CIMIP6: variants seen among roughly 807,000 people sequenced by gnomAD.
The protein encoded by CIMIP6 is ciliary microtubule inner protein 6.
At chr2:54,370,979 G>C in the CIMIP6 span, among the ~76,000 whole-genome samples, 3 of 152,200 alleles carry the variant, frequency 2.0e-5, no homozygotes, top group Non-Finnish European at 4.4e-5. Flanking sequence ...CTTGTTTTCT[G>C]AAGTGTGTTA....
the CIMIP6 span, among the ~76,000 whole-genome samples, chr2:54,335,938 T>G: frequency 0.14 from 20,919 of 152,110 alleles, 1,648 homozygotes; most frequent in African/African-American, 0.21. Flanking sequence ...CTCTCCTGAC[T>G]CTCTCTTATA....
At chr2:54,380,515 A>G in the CIMIP6 span, among the ~76,000 whole-genome samples, 1 of 152,090 alleles carries the variant, frequency 6.6e-6, no homozygotes, top group South Asian at 2.1e-4. Flanking sequence ...ATAACTTTCT[A>G]TATTGACCCA....
chr2:54,350,452 A>C, the CIMIP6 span, among the ~76,000 whole-genome samples: 1 of 152,172 alleles, frequency 6.6e-6, no homozygotes, highest in Admixed American at 6.5e-5. Context: ...TGCAGGAATG[A>C]CTGGGCCTCT....
At chr2:54,356,454 C>T in the CIMIP6 span, among the ~76,000 whole-genome samples, 1 of 152,200 alleles carries the variant, frequency 6.6e-6, no homozygotes, top group East Asian at 1.9e-4. Flanking sequence ...TTCTTGGCTA[C>T]ATCTGACCTT....
the CIMIP6 span, among the ~76,000 whole-genome samples, chr2:54,334,228 T>C: frequency 6.6e-6 from 1 of 152,188 alleles, no homozygotes; most frequent in Non-Finnish European, 1.5e-5. Flanking sequence ...AAATATTTTA[T>C]TTTAGTAATT....
At chr2:54,330,937 T>A in the CIMIP6 span, 4 of 1,609,444 alleles carry the variant, frequency 2.5e-6, no homozygotes, top group Non-Finnish European at 3.4e-6. Flanking sequence ...TCCCTGTTCT[T>A]CCCAGGAGGC....
At chr2:54,359,147 CATA>C in the CIMIP6 span, 1 of 861,978 alleles carries the variant, frequency 1.2e-6, no homozygotes, top group South Asian at 1.7e-5. Flanking sequence ...TTTTTCAAGT[CATA>C]ATTATCTTTC....
the CIMIP6 span, among the ~76,000 whole-genome samples, chr2:54,363,013 C>T: frequency 2.0e-5 from 3 of 152,166 alleles, no homozygotes; most frequent in African/African-American, 7.2e-5. Context: ...CCAATCTATA[C>T]ATGTTTCCTC....
At chr2:54,339,153 T>C in the CIMIP6 span, among the ~76,000 whole-genome samples, 2 of 73,284 alleles carry the variant, frequency 2.7e-5, 1 homozygote, top group East Asian at 4.8e-4. Flanking sequence ...AGACTCCATC[T>C]CAAGAAAAAA....
chr2:54,359,121 T>A, the CIMIP6 span: 3 of 1,084,566 alleles, frequency 2.8e-6, no homozygotes, highest in South Asian at 1.6e-5. Flanking sequence ...CAGAGTAGAT[T>A]TGTAGAACTT....
the CIMIP6 span, among the ~76,000 whole-genome samples, chr2:54,352,862 A>G: frequency 1.3e-5 from 2 of 152,146 alleles, no homozygotes; most frequent in Non-Finnish European, 2.9e-5. Flanking sequence ...TTTTTCCTGA[A>G]AAGTTTTAAT....
chr2:54,371,769 G>A, the CIMIP6 span, among the ~76,000 whole-genome samples: 1 of 152,246 alleles, frequency 6.6e-6, no homozygotes, highest in African/African-American at 2.4e-5. Flanking sequence ...GGTGGGCACA[G>A]GAGTGGTTCC....
chr2:54,384,160 T>G, the CIMIP6 span, among the ~76,000 whole-genome samples: 1 of 152,220 alleles, frequency 6.6e-6, no homozygotes, highest in Admixed American at 6.5e-5. Context: ...GTATCTCAAT[T>G]AATTCTCGCA....
chr2:54,380,728 T>C, the CIMIP6 span, among the ~76,000 whole-genome samples: 4 of 152,186 alleles, frequency 2.6e-5, no homozygotes, highest in Admixed American at 2.6e-4. Context: ...ACATACACAA[T>C]GTGTGCACGC....
chr2:54,380,057 C>T, the CIMIP6 span, among the ~76,000 whole-genome samples: 1 of 151,630 alleles, frequency 6.6e-6, no homozygotes, highest in Non-Finnish European at 1.5e-5. Context: ...GTGGGAGGAT[C>T]GCTTGAGCCT....
the CIMIP6 span, among the ~76,000 whole-genome samples, chr2:54,380,006 G>A: frequency 6.6e-6 from 1 of 151,714 alleles, no homozygotes; most frequent in South Asian, 2.1e-4. Flanking sequence ...AGCTTGGTGT[G>A]GTGTTGTGCA....
the CIMIP6 span, among the ~76,000 whole-genome samples, chr2:54,371,122 GATTA>G: frequency 2.6e-5 from 4 of 152,246 alleles, no homozygotes; most frequent in Non-Finnish European, 5.9e-5. Flanking sequence ...TGGGTTGATA[GATTA>G]ATTTTCTCAC....
At chr2:54,345,994 A>G in the CIMIP6 span, among the ~76,000 whole-genome samples, 1 of 152,192 alleles carries the variant, frequency 6.6e-6, no homozygotes, top group Non-Finnish European at 1.5e-5. Flanking sequence ...ATACTTTTTG[A>G]CCTAGAAAAG....
the CIMIP6 span, among the ~76,000 whole-genome samples, chr2:54,351,849 T>A: frequency 6.6e-6 from 1 of 152,180 alleles, no homozygotes; most frequent in Non-Finnish European, 1.5e-5. Flanking sequence ...ACTTAAAGCT[T>A]TGACAATCAA....
Sources: allele counts gnomAD v4.1 joint callset (sites outside exome capture counted in the v4.1 genomes callset), GRCh38; gene constraint gnomAD v4.1.1; transcripts MANE v1.5; gene names NCBI Gene and HGNC (gene_info 2026-07-23, HGNC 2026-07-21).